Variants in MYO10 observed in about 807,000 individuals in gnomAD.
MYO10 encodes unconventional myosin-X.
MYO10 carries 133 observed loss-of-function variants against 257.3 expected under a neutral mutation model. The ratio of observed to expected loss-of-function variants is 0.52; its 90% CI spans 0.45 to 0.60. MYO10 has a LOEUF of 0.60. Ranked by LOEUF, MYO10 falls within the 20% of genes least tolerant of loss-of-function variation. The pLI is 0.00. For synonymous variants in MYO10, 1,104 were observed against 1,028.6 expected, an observed-to-expected ratio of 1.07 and a Z score of -1.40; for missense variants, 2,399 against 2,635.7, an observed-to-expected ratio of 0.91 and a Z score of 1.97.
At chr5:16,814,245 C>T (rs1024270874) in intron 3 of MYO10, among the ~76,000 whole-genome samples, 3 of 152,180 alleles carry the variant, frequency 2.0e-5, no homozygotes, top group African/African-American at 7.2e-5. Flanking sequence ...GGGTTCACGC[C>T]ATTTTCCTGC....
chr5:16,905,941 C>G (rs1213648833), intron 1 of MYO10, among the ~76,000 whole-genome samples: 1 of 152,104 alleles, frequency 6.6e-6, no homozygotes, highest in Non-Finnish European at 1.5e-5. Flanking sequence ...TCCCTATCTT[C>G]CATGGCAAGT....
rs924646384 is a variant in MYO10 at position 16,869,746 on chromosome 5, T to C, written c.120+7863A>G. Among the ~76,000 whole-genome samples the C allele has an allele frequency of 5.9e-4, 89 of 151,142 alleles. 5 individuals carry two copies. The highest frequency in any genetic ancestry group is 2.2e-3 in the African/African-American group (88 of 40,692). ...CGGGCGTGCTGACGCATGCCTCTAA[T>C]CCCAGCTACGTAGGAGGCTGAGGCA... is the stretch of plus-strand genomic sequence containing the variant. On this transcript the variant is annotated intron_variant, in intron 2 of 40. Transcript: ENST00000513610.
intron 2 of MYO10, among the ~76,000 whole-genome samples, chr5:16,858,309 C>T (rs1393136368): frequency 1.3e-5 from 2 of 152,178 alleles, no homozygotes; most frequent in African/African-American, 4.8e-5. Context: ...GCAAGGGCTG[C>T]AGTTTGCTGC....
At position 16,663,325 on chromosome 5, in the gene MYO10, GTTGTT is replaced by G. The variant is rs1736040258; in HGVS notation, c.*3362_*3366del. On this transcript the variant is annotated 3_prime_UTR_variant, in exon 41 of 41. Coordinates refer to ENST00000513610, the MANE Select transcript of MYO10 (RefSeq NM_012334.3). Reference sequence around the variant, plus strand: ...GGAAAAAAGTAACATTTTACTTCTAGTTGTTTTTTTTTTTTTTTTTTTTTTTTTTT... The same window carrying G: ...GGAAAAAAGTAACATTTTACTTCTAGTTTTTTTTTTTTTTTTTTTTTTTTT... 1 of 41,304 alleles carries G rather than the reference GTTGTT, an allele frequency of 2.4e-5. No individual in the cohort carries two copies. The highest frequency in any genetic ancestry group is 1.3e-4 in the African/African-American group (1 of 7,416). The allele number at this position is 41,304 out of a possible 1,614,324, so 2.6% of individuals were successfully genotyped here.
intron 19 of MYO10, among the ~76,000 whole-genome samples, chr5:16,723,072 T>C (rs1739215643): frequency 6.6e-6 from 1 of 152,150 alleles, no homozygotes; most frequent in African/African-American, 2.4e-5. Context: ...TCACCTGTCA[T>C]TGGGGAATTA....
intron 3 of MYO10, among the ~76,000 whole-genome samples, chr5:16,808,600 G>A (rs1038844223): frequency 1.3e-5 from 2 of 152,204 alleles, no homozygotes; most frequent in African/African-American, 4.8e-5. Context: ...CTTCAAGGTA[G>A]AGGCTGGCAT....
rs576310011 is a variant in MYO10, at chr5:16,812,087, A to AC, written c.279+5921dup. 1.9e-3 allele frequency among the ~76,000 whole-genome samples: 282 copies of AC among 152,196 alleles called. 2 individuals are homozygous for AC. Among genetic ancestry groups the AC allele is most frequent in the African/African-American group, 6.4e-3 (264 of 41,538 alleles). ...GAAGGGGACAATCAGGAGAGAGCCA[A>AC]CCCCCTCTCCTCAAGGCAGCAAACC... On this transcript the variant is annotated intron_variant, in intron 3 of 40. Coordinates refer to ENST00000513610, the MANE Select transcript of MYO10 (RefSeq NM_012334.3).
chr5:16,672,630 AC>A, intron 37 of MYO10, 58 bp downstream of exon 37: 1 of 1,600,322 alleles, frequency 6.2e-7, no homozygotes, highest in Non-Finnish European at 8.5e-7. Flanking sequence ...CAAACCCTGA[AC>A]CCTGCTCTGC....
At chr5:16,704,981 C>A (rs1218133241) in intron 21 of MYO10, among the ~76,000 whole-genome samples, 1 of 152,180 alleles carries the variant, frequency 6.6e-6, no homozygotes, top group Non-Finnish European at 1.5e-5. Context: ...TACCAAATTG[C>A]TATCTAAGCT....
At chr5:16,788,040 C>G (rs1017368629) in intron 4 of MYO10, among the ~76,000 whole-genome samples, 1 of 152,118 alleles carries the variant, frequency 6.6e-6, no homozygotes, top group Non-Finnish European at 1.5e-5. Context: ...GTGATCTACC[C>G]GCCTCGGCCT....
chr5:16,848,155 C>CTTTTTTTTTTTTTCTTTTT (rs1554002460), intron 2 of MYO10, among the ~76,000 whole-genome samples: 1 of 113,598 alleles, frequency 8.8e-6, no homozygotes, highest in African/African-American at 3.7e-5. Context: ...CTACACATTT[C>CTTTTTTTTTTTTTCTTTTT]TTTTTTTTTT....
In MYO10 at chr5:16,890,407, CAT is replaced by C. The variant is rs1745018132; in HGVS notation, c.22-12702_22-12701del. Among the ~76,000 whole-genome samples, 4 of 151,958 alleles carry C rather than the reference CAT, an allele frequency of 2.6e-5. No individual in the cohort carries two copies. In the South Asian group the frequency reaches 6.2e-4, roughly 24 times the overall value. ...GGTAAATACCCCAGAGACGTGAAAACATATGTCCACACGAAAACTTGTACACA... is the reference window on the plus strand; with the variant it reads ...GGTAAATACCCCAGAGACGTGAAAACATGTCCACACGAAAACTTGTACACA... On this transcript the variant is annotated intron_variant, in intron 1 of 40. Coordinates refer to ENST00000513610, the MANE Select transcript of MYO10 (RefSeq NM_012334.3).
intron 1 of MYO10, among the ~76,000 whole-genome samples, chr5:16,888,369 A>AT (rs898862863): frequency 3.3e-5 from 5 of 151,830 alleles, no homozygotes; most frequent in Admixed American, 2.0e-4. Context: ...TCTCTACAAC[A>AT]TTTTTTTTAA....
intron 39 of MYO10, among the ~76,000 whole-genome samples, chr5:16,669,317 G>A (rs1469086024): frequency 2.0e-5 from 3 of 151,900 alleles, no homozygotes; most frequent in Non-Finnish European, 2.9e-5. Context: ...GAGTTCAAGC[G>A]ATTCTCCTGT....
At chr5:16,695,221 C>G (rs1737687331) in intron 26 of MYO10, among the ~76,000 whole-genome samples, 1 of 152,090 alleles carries the variant, frequency 6.6e-6, no homozygotes, top group African/African-American at 2.4e-5. Flanking sequence ...GTAATCCCAG[C>G]TACTTGGGAG....
At position 16,662,314 on chromosome 5, in the gene MYO10, C is replaced by CTTTTTTTTTTTTTTTTTTTTTTTT. The variant is rs1199270809; in HGVS notation, c.*4377_*4378insAAAAAAAAAAAAAAAAAAAAAAAA. On this transcript the variant is annotated 3_prime_UTR_variant, in exon 41 of 41. Coordinates refer to ENST00000513610, the MANE Select transcript of MYO10 (RefSeq NM_012334.3). ...AAAAGTGCTGTCTTAGATTTCTGAACTATTTTTTTTTTTTTTTTTTTTTTT... is the reference window on the plus strand; with the variant it reads ...AAAAGTGCTGTCTTAGATTTCTGAACTTTTTTTTTTTTTTTTTTTTTTTTTATTTTTTTTTTTTTTTTTTTTTTT... 28 of 39,662 alleles carry CTTTTTTTTTTTTTTTTTTTTTTTT rather than the reference C, an allele frequency of 7.1e-4. 1 individual carries two copies. The highest frequency in any genetic ancestry group is 1.0e-3 in the Non-Finnish European group (21 of 20,954). 2.5% of individuals were successfully genotyped at this position (39,662 alleles called of 1,614,324 possible).
chr5:16,840,327 G>A (rs1245020323), intron 2 of MYO10, among the ~76,000 whole-genome samples: 5 of 152,078 alleles, frequency 3.3e-5, no homozygotes, highest in African/African-American at 9.7e-5. Context: ...CAGGAGAATC[G>A]TTTGAACCTG....
intron 2 of MYO10, among the ~76,000 whole-genome samples, chr5:16,855,505 GA>G (rs1222403560): frequency 6.6e-6 from 1 of 152,106 alleles, no homozygotes; most frequent in African/African-American, 2.4e-5. Flanking sequence ...TCTTATATCA[GA>G]AAAAAATAAA....
intron 30 of MYO10, 139 bp downstream of exon 30, chr5:16,683,740 GC>G: frequency 2.7e-6 from 2 of 746,932 alleles, no homozygotes; most frequent in Non-Finnish European, 4.4e-6. Flanking sequence ...AGACTGGATT[GC>G]TGGGGTTGAC....
Sources: allele counts gnomAD v4.1 joint callset (sites outside exome capture counted in the v4.1 genomes callset), GRCh38; gene constraint gnomAD v4.1.1; transcripts MANE v1.5; gene names NCBI Gene and HGNC (gene_info 2026-07-23, HGNC 2026-07-21).